Variants in CTNNB1 observed in about 807,000 individuals in gnomAD.
The protein encoded by CTNNB1 is catenin beta 1, also known as catenin beta-1.
Under a neutral mutation model 82.5 loss-of-function variants are expected in CTNNB1, and 6 were observed. That is an observed-to-expected ratio of 0.07 (90% confidence interval 0.04 to 0.14). The LOEUF (loss-of-function observed/expected upper bound fraction) is 0.14. Ranked by LOEUF, CTNNB1 falls within the 10% of genes least tolerant of loss-of-function variation. CTNNB1 has a pLI of 1.00. For missense variants in CTNNB1, 529 were observed against 980.4 expected (o/e 0.54, Z 6.15); for synonymous variants, 312 against 329.7 (o/e 0.95, Z 0.58).
chr3:41,233,095 A>G, intron 7 of CTNNB1: 1 of 586,638 alleles, frequency 1.7e-6, no homozygotes, highest in South Asian at 2.0e-5. Context: ...AGTGGAGATA[A>G]CAAAGGCTTT....
At chr3:41,218,676 A>G (rs1033973756) in intron 1 of CTNNB1, among the ~76,000 whole-genome samples, 12 of 152,232 alleles carry the variant, frequency 7.9e-5, no homozygotes, top group Non-Finnish European at 1.6e-4. Flanking sequence ...AGCTGGGACT[A>G]CAGCGGCATA....
intron 14 of CTNNB1, 52 bp downstream of exon 14, chr3:41,238,128 A>C (rs2078484212): frequency 6.5e-7 from 1 of 1,536,940 alleles, no homozygotes. Context: ...AAGTTCTAAA[A>C]CTTTTATCAG....
intron 7 of CTNNB1, chr3:41,233,115 G>A (rs2078349335): frequency 1.7e-6 from 1 of 602,126 alleles, no homozygotes; most frequent in Non-Finnish European, 2.9e-6. Flanking sequence ...TTTCGGCTTA[G>A]GAAAGGAACA....
At chr3:41,228,437 T>C (rs1431556384) in intron 7 of CTNNB1, among the ~76,000 whole-genome samples, 1 of 152,236 alleles carries the variant, frequency 6.6e-6, no homozygotes, top group Non-Finnish European at 1.5e-5. Flanking sequence ...CGGTATCTCA[T>C]TGTGGTTTTG....
chr3:41,233,180 T>A lies in CTNNB1; in HGVS notation c.1082-161T>A. The A allele has an allele frequency of 7.1e-6, 5 of 704,596 alleles. No homozygotes were observed. In the South Asian group the frequency reaches 8.3e-5, roughly 12 times the overall value. 43.6% of individuals were successfully genotyped at this position (704,596 alleles called of 1,614,324 possible). On this transcript the variant is annotated intron_variant, in intron 7 of 14. Coordinates refer to ENST00000349496, the MANE Select transcript of CTNNB1 (RefSeq NM_001904.4). Reference sequence around the variant, plus strand: ...GGTGAACTGGCAAAGTGAAGGAAACTGAGCAACATTCTAGAAAATGAGAGG... The same window carrying A: ...GGTGAACTGGCAAAGTGAAGGAAACAGAGCAACATTCTAGAAAATGAGAGG...
rs1412005035 is a variant in CTNNB1 at position 41,235,558 on chromosome 3, CTCTT to C, written c.1684-164_1684-161del. 4.6e-6 allele frequency: 4 copies of C among 860,558 alleles called. No individual in the cohort carries two copies. In the East Asian group the frequency reaches 1.0e-4, roughly 23 times the overall value. 53.3% of individuals were successfully genotyped at this position (860,558 alleles called of 1,614,324 possible). A position where few individuals can be genotyped will look rare whatever the true frequency, so the allele number is the denominator to read the frequency against. ...CTTTGAATTAGTGCTGCCAGGAGGC[CTCTT>C]TTCAGTGACATTCAAGTTAATGGAA... On this transcript the variant is annotated intron_variant, in intron 10 of 14. Coordinates refer to ENST00000349496, the MANE Select transcript of CTNNB1 (RefSeq NM_001904.4).
chr3:41,236,250 C>A, intron 11 of CTNNB1, 99 bp from the exon 12 acceptor site: 1 of 1,340,788 alleles, frequency 7.5e-7, no homozygotes, highest in Non-Finnish European at 1.1e-6. Context: ...AGTGTGAATG[C>A]CTCTTGCACT....
intron 7 of CTNNB1, among the ~76,000 whole-genome samples, chr3:41,228,261 G>A (rs1046096461): frequency 6.6e-6 from 1 of 152,086 alleles, no homozygotes; most frequent in African/African-American, 2.4e-5. Flanking sequence ...TGGATTGAAT[G>A]GTAATTCTGT....
chr3:41,238,505 G>C (rs1373531440), intron 14 of CTNNB1: 1 of 197,392 alleles, frequency 5.1e-6, no homozygotes, highest in Non-Finnish European at 1.0e-5. Context: ...ATTTAAATCT[G>C]GGTAATGAAC....
intron 13 of CTNNB1, chr3:41,237,059 C>G (rs1281458279): frequency 2.5e-6 from 1 of 402,736 alleles, no homozygotes; most frequent in African/African-American, 2.0e-5. Flanking sequence ...TTTTACTAAA[C>G]TTTAATAAAA....
Position 41,225,355 on chromosome 3 carries a change from G to A in CTNNB1, c.517G>A (p.Val173Ile), listed in dbSNP as rs764327430. The A allele has an allele frequency of 6.2e-7, 1 of 1,614,076 alleles. No homozygotes were observed. The highest frequency in any genetic ancestry group is 1.1e-5 in the South Asian group (1 of 91,080). The change falls in exon 5 of 15, where the codon GTT becomes ATT. Residue 173 changes from valine (V) to isoleucine (I), a missense_variant. Around this residue, in one of 4 missense-constraint regions of CTNNB1, gnomAD observed 411 missense variants for 776.4 expected, o/e 0.53. Coordinates refer to ENST00000349496, the MANE Select transcript of CTNNB1 (RefSeq NM_001904.4). The surrounding 1 kb of genome is among the most constrained non-coding windows in gnomAD (Gnocchi z 5.3). ...EDQVVVNKAA[V>I]MVHQLSKKEA... ...ACAGGTGGTGGTTAATAAGGCTGCA[G>A]TTATGGTCCATCAGCTTTCTAAAAA...
chr3:41,215,989 CACTG>C (rs888278298), intron 1 of CTNNB1, among the ~76,000 whole-genome samples: 11 of 152,084 alleles, frequency 7.2e-5, no homozygotes, highest in Non-Finnish European at 1.2e-4. Flanking sequence ...TTATCTGCAA[CACTG>C]ACTGTTACCA....
chr3:41,208,715 C>T (rs963969934), intron 1 of CTNNB1, among the ~76,000 whole-genome samples: 1 of 152,240 alleles, frequency 6.6e-6, no homozygotes, highest in African/African-American at 2.4e-5. Context: ...ATCTTCTCCT[C>T]TGTCACTGGA....
At chr3:41,232,580 A>G (rs2078336671) in intron 7 of CTNNB1, among the ~76,000 whole-genome samples, 2 of 152,048 alleles carry the variant, frequency 1.3e-5, no homozygotes, top group South Asian at 4.2e-4. Flanking sequence ...AAGTTAATCT[A>G]CTATGTGGGC....
chr3:41,204,874 A>G (rs181537791), intron 1 of CTNNB1, among the ~76,000 whole-genome samples: 41 of 152,314 alleles, frequency 2.7e-4, no homozygotes, highest in Non-Finnish European at 8.8e-5. Flanking sequence ...AACATTGTTA[A>G]ATTATTAGGT....
intron 1 of CTNNB1, among the ~76,000 whole-genome samples, chr3:41,212,612 A>G (rs1376908733): frequency 1.3e-5 from 2 of 152,184 alleles, no homozygotes; most frequent in African/African-American, 2.4e-5. Flanking sequence ...GACAGTGGAA[A>G]TGTTCAGTAT....
intron 7 of CTNNB1, 30 bp from the exon 8 acceptor site, chr3:41,233,311 T>TAGGG: frequency 6.3e-7 from 1 of 1,585,928 alleles, no homozygotes; most frequent in Non-Finnish European, 8.7e-7. Flanking sequence ...AGCTAATGAC[T>TAGGG]AGGGCCTTAT....
At chr3:41,206,156 G>A (rs994612737) in intron 1 of CTNNB1, among the ~76,000 whole-genome samples, 2 of 151,988 alleles carry the variant, frequency 1.3e-5, no homozygotes, top group African/African-American at 4.8e-5. Context: ...TAATTCACAT[G>A]TTGCTGGACT....
intron 10 of CTNNB1, 140 bp downstream of exon 10, chr3:41,234,437 T>A (rs994570611): frequency 4.2e-5 from 36 of 850,086 alleles, no homozygotes; most frequent in Non-Finnish European, 6.0e-5. Context: ...AAATAAATAA[T>A]TACACATTTC....
Sources: gnomAD v4.1 joint callset for allele counts (sites outside exome capture counted in the v4.1 genomes callset) on GRCh38, gnomAD v4.1.1 for gene constraint, gnomAD v4.1.1 regional missense constraint, Gnocchi (gnomAD v3.1) non-coding constraint, MANE v1.5 for transcripts, NCBI Gene and HGNC (gene_info 2026-07-23, HGNC 2026-07-21) for gene names.